The following VWC2L variants were observed in gnomAD, a reference collection of about 807,000 sequenced individuals.
VWC2L encodes von Willebrand factor C domain-containing protein 2-like.
In VWC2L, 10 loss-of-function variants were observed where a neutral mutation model predicts 21.6. The observed-to-expected ratio is 0.46, with a 90% CI of 0.29 to 0.78. The LOEUF (loss-of-function observed/expected upper bound fraction) is 0.78. VWC2L is among the 30% of genes least tolerant of loss of function. VWC2L has a pLI of 0.10. For synonymous variants in VWC2L, 96 were observed against 94.3 expected (o/e 1.02, Z -0.10); for missense variants, 209 against 277.1 (o/e 0.75, Z 1.74).
chr2:214,537,458 C>T (rs1454559618), intron 3 of VWC2L, among the ~76,000 whole-genome samples: 2 of 151,008 alleles, frequency 1.3e-5, no homozygotes, highest in Non-Finnish European at 2.9e-5. Context: ...CTTTTATATG[C>T]AAAATCTATA....
At chr2:214,499,772 A>C (rs1172482425) in intron 3 of VWC2L, among the ~76,000 whole-genome samples, 1 of 152,252 alleles carries the variant, frequency 6.6e-6, no homozygotes, top group Non-Finnish European at 1.5e-5. Context: ...AAAATTTCAG[A>C]ATCAAATGTG....
At chr2:214,533,630 T>C (rs10202098) in intron 3 of VWC2L, among the ~76,000 whole-genome samples, 82,461 of 151,812 alleles carry the variant, frequency 0.54, 22,715 homozygotes, top group East Asian at 0.74. Context: ...AAGACACAGT[T>C]GTTATTCCTA....
At chr2:214,557,999 C>G (rs1410666316) in intron 3 of VWC2L, among the ~76,000 whole-genome samples, 1 of 152,212 alleles carries the variant, frequency 6.6e-6, no homozygotes, top group Admixed American at 6.5e-5. Flanking sequence ...ATTCATCAGT[C>G]TTCCCCAGCC....
intron 2 of VWC2L, among the ~76,000 whole-genome samples, chr2:214,416,474 G>T (rs1312958845): frequency 6.6e-6 from 1 of 151,826 alleles, no homozygotes; most frequent in Non-Finnish European, 1.5e-5. Context: ...TAAAATAATA[G>T]ATATCACTTT....
chr2:214,523,151 C>T (rs181376285), intron 3 of VWC2L, among the ~76,000 whole-genome samples: 151 of 152,278 alleles, frequency 9.9e-4, no homozygotes, highest in African/African-American at 3.5e-3. Flanking sequence ...TCCCCTAGCC[C>T]CATGCCATTG....
At chr2:214,522,507 G>A (rs991262504) in intron 3 of VWC2L, among the ~76,000 whole-genome samples, 2 of 151,998 alleles carry the variant, frequency 1.3e-5, no homozygotes, top group Non-Finnish European at 1.5e-5. Flanking sequence ...GAGACATTGG[G>A]GTACAGAAGA....
chr2:214,448,654 G>A (rs1281339414), intron 3 of VWC2L, among the ~76,000 whole-genome samples: 1 of 152,150 alleles, frequency 6.6e-6, no homozygotes, highest in African/African-American at 2.4e-5. Flanking sequence ...TTCATGTAAT[G>A]TGTGGGTCGC....
chr2:214,490,295 G>C (rs973190932), intron 3 of VWC2L, among the ~76,000 whole-genome samples: 1 of 151,848 alleles, frequency 6.6e-6, no homozygotes, highest in African/African-American at 2.4e-5. Context: ...AAGTGCTTTA[G>C]GAATAGACAC....
Position 214,414,265 on chromosome 2 carries a change from C to T in VWC2L, c.72C>T (p.Ile24=). 1 of 1,613,786 alleles carries T rather than the reference C, an allele frequency of 6.2e-7. No individual in the cohort carries two copies. Among genetic ancestry groups the T allele is most frequent in the Non-Finnish European group, 8.5e-7 (1 of 1,179,794 alleles). Residue 24 remains isoleucine, a synonymous_variant, in exon 2 of 4, where the codon ATC becomes ATT. Transcript: ENST00000312504. The part of the protein sequence containing the change: ...VIPGLVTSAA[I]SHEDYPADEG... The stretch of plus-strand genomic sequence containing the variant: ...CTGGATTGGTCACCTCTGCTGCTAT[C>T]AGTCATGAAGACTATCCTGCTGATG...
At chr2:214,551,201 T>C (rs1302989911) in intron 3 of VWC2L, among the ~76,000 whole-genome samples, 1 of 152,226 alleles carries the variant, frequency 6.6e-6, no homozygotes, top group Non-Finnish European at 1.5e-5. Context: ...GGAGAATCAG[T>C]GTAGCATTCA....
chr2:214,442,811 C>T (rs941264282), intron 3 of VWC2L, among the ~76,000 whole-genome samples: 1 of 151,892 alleles, frequency 6.6e-6, no homozygotes, highest in African/African-American at 2.4e-5. Flanking sequence ...AGCTAAAAAG[C>T]TACATTGCTT....
At chr2:214,524,109 T>C (rs2105912655) in intron 3 of VWC2L, among the ~76,000 whole-genome samples, 1 of 152,308 alleles carries the variant, frequency 6.6e-6, no homozygotes, top group Non-Finnish European at 1.5e-5. Context: ...CCATAGTATA[T>C]TGTTATATAC....
rs903631012 is a variant in VWC2L at position 214,436,637 on chromosome 2, A to T, written c.399A>T (p.Pro133=). Residue 133 remains proline (P), a synonymous_variant, in exon 3 of 4, where the codon CCA becomes CCT. Coordinates refer to ENST00000312504, the MANE Select transcript of VWC2L (RefSeq NM_001080500.4). The part of the protein sequence containing the change: ...YKILEEFKPS[P]CEWCRCEPSN... ...TTTAGATTTGTTCCTAGCCCTCTCC[A>T]TGTGAATGGTGTCGCTGTGAGCCCA... 9.3e-6 allele frequency: 15 copies of T among 1,613,228 alleles called. No homozygotes were observed. Among genetic ancestry groups the T allele is most frequent in the Non-Finnish European group, 1.2e-5 (14 of 1,179,354 alleles).
intron 3 of VWC2L, among the ~76,000 whole-genome samples, chr2:214,492,214 C>T (rs4629153): frequency 0.23 from 34,446 of 151,766 alleles, 4,009 homozygotes; most frequent in Admixed American, 0.27. Context: ...GGGTGACCCA[C>T]TAAATAGCAT....
chr2:214,412,485 A>G (rs1702294356), intron 1 of VWC2L, among the ~76,000 whole-genome samples: 1 of 152,134 alleles, frequency 6.6e-6, no homozygotes, highest in Non-Finnish European at 1.5e-5. Flanking sequence ...TGCTTTGTCA[A>G]AGGGAGCTTC....
intron 3 of VWC2L, among the ~76,000 whole-genome samples, chr2:214,575,445 C>A (rs897007029): frequency 1.3e-5 from 2 of 152,116 alleles, no homozygotes; most frequent in Non-Finnish European, 2.9e-5. Context: ...TGAAGATTGT[C>A]TCTTTTTATT....
At chr2:214,491,390 G>A (rs77499422) in intron 3 of VWC2L, among the ~76,000 whole-genome samples, 2,259 of 152,226 alleles carry the variant, frequency 0.015, 62 homozygotes, top group African/African-American at 0.051. Context: ...ACGAGCAATG[G>A]GTTAAATTTG....
chr2:214,528,255 T>C (rs1689375248), intron 3 of VWC2L, among the ~76,000 whole-genome samples: 1 of 152,182 alleles, frequency 6.6e-6, no homozygotes, highest in African/African-American at 2.4e-5. Flanking sequence ...TTCTCCAGCA[T>C]TTGAATCCCT....
chr2:214,453,337 C>G (rs1274316936), intron 3 of VWC2L, among the ~76,000 whole-genome samples: 2 of 152,152 alleles, frequency 1.3e-5, no homozygotes, highest in Non-Finnish European at 2.9e-5. Flanking sequence ...TATTCCTTCT[C>G]CACTGAATTG....
Sources: allele counts gnomAD v4.1 joint callset (sites outside exome capture counted in the v4.1 genomes callset), GRCh38; gene constraint gnomAD v4.1.1; transcripts MANE v1.5; gene names NCBI Gene and HGNC (gene_info 2026-07-23, HGNC 2026-07-21).